Variants in LPCAT2 observed in about 807,000 individuals in gnomAD.
LPCAT2 encodes the protein 1-AGP acyltransferase 11.
LPCAT2 carries 58 observed loss-of-function variants against 64.7 expected under a neutral mutation model. The ratio of observed to expected loss-of-function variants is 0.90; its 90% confidence interval spans 0.73 to 1.12. The LOEUF (loss-of-function observed/expected upper bound fraction) is 1.12. Among genes scored for constraint, LPCAT2 ranks in the 50% most tolerant of loss-of-function variants. The pLI, the probability that LPCAT2 is intolerant of heterozygous loss-of-function variation, is 0.00. For synonymous variants in LPCAT2, 252 were observed against 245.3 expected (o/e 1.03, Z -0.26); for missense variants, 579 against 669.8 (o/e 0.86, Z 1.50).
In LPCAT2 at chr16:55,544,337, TA is replaced by T. The variant is rs1423147708; in HGVS notation, c.853-1395del. Among the ~76,000 whole-genome samples the T allele has an allele frequency of 2.0e-5, 3 of 152,332 alleles. No individual in the cohort carries two copies. The East Asian group carries it at 5.8e-4, about 29-fold the overall frequency. ...GGAATTGTTTAGAGAGTTAATCATATAAAGCCCCTAATATAAAATACCCAGC... is the reference window on the plus strand; with the variant it reads ...GGAATTGTTTAGAGAGTTAATCATATAAGCCCCTAATATAAAATACCCAGC... On this transcript the variant is annotated intron_variant, in intron 8 of 13. Coordinates refer to ENST00000262134, the MANE Select transcript of LPCAT2 (RefSeq NM_017839.5).
intron 7 of LPCAT2, among the ~76,000 whole-genome samples, chr16:55,534,779 T>C (rs1436354611): frequency 6.6e-6 from 1 of 152,158 alleles, no homozygotes; most frequent in Non-Finnish European, 1.5e-5. Context: ...TAGTTAGCTT[T>C]AATTTTGTAG....
chr16:55,567,679 CACGAAAAA>C lies in LPCAT2; in HGVS notation c.1216-6951_1216-6944del, dbSNP rs1963721973. 52 of 643,216 alleles carry C rather than the reference CACGAAAAA, an allele frequency of 8.1e-5. 1 individual carries two copies. In the South Asian group the frequency reaches 1.0e-3, roughly 13 times the overall value. 39.8% of individuals were successfully genotyped at this position (643,216 alleles called of 1,614,324 possible). On this transcript the variant is annotated intron_variant, in intron 11 of 13. Coordinates refer to ENST00000262134, the MANE Select transcript of LPCAT2 (RefSeq NM_017839.5). The stretch of plus-strand genomic sequence containing the variant: ...TACTGCTGAATTAAAACAGATATTT[CACGAAAAA>C]TGTTCTGAGTGGTTTGTATATCAGC...
chr16:55,515,453 C>T (rs562614047), intron 1 of LPCAT2, among the ~76,000 whole-genome samples: 1 of 151,974 alleles, frequency 6.6e-6, no homozygotes, highest in Admixed American at 6.6e-5. Flanking sequence ...GCACACATGC[C>T]CTAAGATAAA....
At chr16:55,564,466 C>T (rs1312016665) in intron 11 of LPCAT2, among the ~76,000 whole-genome samples, 1 of 151,886 alleles carries the variant, frequency 6.6e-6, no homozygotes, top group Admixed American at 6.6e-5. Flanking sequence ...CTACAGTAAT[C>T]AAAACAGTGC....
intron 2 of LPCAT2, chr16:55,526,013 A>G (rs1450132098): frequency 1.3e-5 from 2 of 154,400 alleles, no homozygotes; most frequent in Non-Finnish European, 2.9e-5. Context: ...CACTGAAGCT[A>G]CAAAATACCT....
chr16:55,579,983 G>A (rs576728584), intron 13 of LPCAT2, among the ~76,000 whole-genome samples: 1 of 152,280 alleles, frequency 6.6e-6, no homozygotes, highest in African/African-American at 2.4e-5. Flanking sequence ...CAGTTGTTGA[G>A]AAACACACCT....
intron 11 of LPCAT2, among the ~76,000 whole-genome samples, chr16:55,559,981 T>C (rs1164648215): frequency 6.6e-6 from 1 of 152,164 alleles, no homozygotes; most frequent in African/African-American, 2.4e-5. Flanking sequence ...GAGAATTATA[T>C]GCTTTACTTT....
At chr16:55,554,917 A>G (rs1963557674) in intron 11 of LPCAT2, among the ~76,000 whole-genome samples, 1 of 152,222 alleles carries the variant, frequency 6.6e-6, no homozygotes, top group Non-Finnish European at 1.5e-5. Flanking sequence ...CAGTCAGTCC[A>G]TGGAACAATC....
intron 6 of LPCAT2, 37 bp from the exon 7 acceptor site, chr16:55,534,406 C>G (rs770687507): frequency 3.0e-6 from 4 of 1,355,144 alleles, no homozygotes; most frequent in Admixed American, 3.7e-5. Context: ...AGTATTTTTC[C>G]TCCAGACCAA....
chr16:55,565,633 A>G (rs1334832764), intron 11 of LPCAT2, among the ~76,000 whole-genome samples: 1 of 152,122 alleles, frequency 6.6e-6, no homozygotes, highest in African/African-American at 2.4e-5. Context: ...TTCCACTTAT[A>G]TAAGGCATGC....
chr16:55,530,931 A>C (rs1331948332), intron 4 of LPCAT2, among the ~76,000 whole-genome samples: 1 of 152,154 alleles, frequency 6.6e-6, no homozygotes, highest in Non-Finnish European at 1.5e-5. Context: ...GTAGAAAGAA[A>C]TCAAGCATTA....
chr16:55,571,316 C>G (rs1021773797), intron 11 of LPCAT2, among the ~76,000 whole-genome samples: 1 of 152,112 alleles, frequency 6.6e-6, no homozygotes, highest in African/African-American at 2.4e-5. Flanking sequence ...CCTGCTGGCC[C>G]TGAAAGCTGG....
Position 55,512,647 on chromosome 16 carries a change from C to A in LPCAT2, c.171+3295C>A, listed in dbSNP as rs1329126717. Among the ~76,000 whole-genome samples, 8 of 152,160 alleles carry A rather than the reference C, an allele frequency of 5.3e-5. No individual in the cohort carries two copies. The East Asian group carries it at 1.5e-3, about 29-fold the overall frequency. ...AATGATCTCAAAACCTTGGCCGATT[C>A]CTGAGCTGTGTATTTACAAAGGAGC... On this transcript the variant is annotated intron_variant, in intron 1 of 13. Transcript: ENST00000262134.
intron 11 of LPCAT2, among the ~76,000 whole-genome samples, chr16:55,569,114 T>G (rs776503562): frequency 6.6e-6 from 1 of 152,234 alleles, no homozygotes; most frequent in Non-Finnish European, 1.5e-5. Context: ...ATGGAAATGA[T>G]GTAACTAGCC....
rs1332332081 is a variant in LPCAT2 at position 55,586,432 on chromosome 16, AAGAT to A, written c.*3338_*3341del. The A allele has an allele frequency of 1.4e-5, 2 of 147,744 alleles. No homozygotes were observed. The highest frequency in any genetic ancestry group is 5.2e-5 in the African/African-American group (2 of 38,230). 9.2% of individuals were successfully genotyped at this position (147,744 alleles called of 1,614,324 possible). A position where few individuals can be genotyped will look rare whatever the true frequency, so the allele number is the denominator to read the frequency against. On this transcript the variant is annotated 3_prime_UTR_variant, in exon 14 of 14. Coordinates refer to ENST00000262134, the MANE Select transcript of LPCAT2 (RefSeq NM_017839.5). Reference sequence around the variant, plus strand: ...ATCTATGCACATTAGCAAAATTTAAAAGATAGAGAAAAATATAAACAGAAAAAAT... The same window carrying A: ...ATCTATGCACATTAGCAAAATTTAAAAGAGAAAAATATAAACAGAAAAAAT...
At chr16:55,526,704 C>T (rs533572774) in intron 2 of LPCAT2, among the ~76,000 whole-genome samples, 1 of 152,138 alleles carries the variant, frequency 6.6e-6, no homozygotes, top group Admixed American at 6.5e-5. Flanking sequence ...TATGACTCAC[C>T]AATTCTTTTC....
At chr16:55,539,426 G>A (rs906079070) in intron 8 of LPCAT2, 7 of 152,060 alleles carry the variant, frequency 4.6e-5, no homozygotes, top group Non-Finnish European at 7.4e-5. Context: ...GAGATTTGAT[G>A]AATTAGAATC....
At chr16:55,557,071 T>C (rs1459039308) in intron 11 of LPCAT2, 1 of 152,222 alleles carries the variant, frequency 6.6e-6, no homozygotes, top group Non-Finnish European at 1.5e-5. Flanking sequence ...TGTTTGTTTG[T>C]TTTACTTCTT....
At chr16:55,581,891 C>T (rs1397539016) in intron 13 of LPCAT2, among the ~76,000 whole-genome samples, 1 of 152,130 alleles carries the variant, frequency 6.6e-6, no homozygotes, top group Admixed American at 6.5e-5. Flanking sequence ...ATCTCAGCTT[C>T]TAAAACACTT....
Sources: allele counts gnomAD v4.1 joint callset (sites outside exome capture counted in the v4.1 genomes callset), GRCh38; gene constraint gnomAD v4.1.1; transcripts MANE v1.5; gene names NCBI Gene and HGNC (gene_info 2026-07-23, HGNC 2026-07-21).